The following DMPK variants were observed in gnomAD, a reference collection of about 807,000 sequenced individuals.
DMPK encodes DM1 protein kinase, also known as myotonin-protein kinase.
In DMPK, 32 loss-of-function variants were observed where a neutral mutation model predicts 70.3. That is an observed-to-expected ratio of 0.46 (90% CI 0.34 to 0.61). The LOEUF (loss-of-function observed/expected upper bound fraction) is 0.61. DMPK is among the 20% of genes least tolerant of loss of function. DMPK has a pLI of 0.01. For synonymous variants in DMPK, 469 were observed against 390.9 expected (o/e 1.20, Z -2.36); for missense variants, 899 against 886.0 (o/e 1.01, Z -0.19).
chr19:45,778,470 C>T (rs1568583223), intron 5 of DMPK, 23 bp downstream of exon 5: 2 of 1,609,604 alleles, frequency 1.2e-6, no homozygotes, highest in East Asian at 2.2e-5. Context: ...AGCTTGCTAT[C>T]CCCTCGGCCA....
chr19:45,777,918 G>A lies in DMPK; in HGVS notation c.676-45C>T. The stretch of plus-strand genomic sequence containing the variant: ...GCGAGGCTTGGGCCCACCCCTCTGG[G>A]CCCACCAGCTCTGGGCCCTCCTTCC... On this transcript the variant is annotated intron_variant, in intron 6 of 14. Coordinates refer to ENST00000291270, the MANE Select transcript of DMPK (RefSeq NM_004409.5). The surrounding 1 kb of genome is among the most constrained non-coding windows in gnomAD (Gnocchi z 6.7). 6.4e-7 allele frequency: 1 copy of A among 1,552,666 alleles called. No individual in the cohort carries two copies. Among genetic ancestry groups the A allele is most frequent in the South Asian group, 1.2e-5 (1 of 85,232 alleles).
At position 45,770,386 on chromosome 19, in the gene DMPK, C is replaced by A; in HGVS notation, c.*102G>T. 7.0e-7 allele frequency: 1 copy of A among 1,420,470 alleles called. No individual in the cohort carries two copies. The highest frequency in any genetic ancestry group is 1.2e-5 in the South Asian group (1 of 80,980). 88.0% of individuals were successfully genotyped at this position (1,420,470 alleles called of 1,614,324 possible). On this transcript the variant is annotated 3_prime_UTR_variant, in exon 15 of 15. Transcript: ENST00000291270. Reference sequence around the variant, plus strand: ...CTGGAGCTGGGCGGAGACCCACGCTCGGAGCGGTTGTGAACTGGCAGGCGG... The same window carrying A: ...CTGGAGCTGGGCGGAGACCCACGCTAGGAGCGGTTGTGAACTGGCAGGCGG...
In DMPK at chr19:45,777,710, G is replaced by A. The variant is rs764146518; in HGVS notation, c.839C>T (p.Ala280Val). 1.7e-5 allele frequency: 27 copies of A among 1,613,890 alleles called. No individual in the cohort carries two copies. The highest frequency in any genetic ancestry group is 1.6e-4 in the Middle Eastern group (1 of 6,084). The stretch of plus-strand genomic sequence containing the variant: ...GCCATAGGTCTCCGCCGTGGAATCC[G>A]CGTAGAAGGGCGTCTGCCCATAGAA... ...EMFYGQTPFY[A>V]DSTAETYGKI... Residue 280 changes from alanine (A) to valine (V), a missense_variant, in exon 7 of 15, where the codon GCG (alanine) becomes GTG (valine). By Grantham distance (64) the Ala-to-Val change is moderately conservative. Transcript: ENST00000291270. The surrounding 1 kb of genome is among the most constrained non-coding windows in gnomAD (Gnocchi z 6.7).
At chr19:45,774,639 A>G (rs940811421) in intron 9 of DMPK, among the ~76,000 whole-genome samples, 5 of 152,166 alleles carry the variant, frequency 3.3e-5, no homozygotes, top group Admixed American at 3.3e-4. Flanking sequence ...CTGATTGTAA[A>G]AGTCTAAACT....
intron 2 of DMPK, 111 bp downstream of exon 2, chr19:45,779,667 C>T: frequency 6.4e-7 from 1 of 1,551,126 alleles, no homozygotes; most frequent in South Asian, 1.2e-5. Flanking sequence ...CCGCCTCCAG[C>T]CCAGCCCTAG....
Position 45,782,382 on chromosome 19 carries a change from C to T in DMPK, c.-30G>A, listed in dbSNP as rs759107509. 1.2e-5 allele frequency: 18 copies of T among 1,526,750 alleles called. No homozygotes were observed. Among genetic ancestry groups the T allele is most frequent in the African/African-American group, 1.4e-5 (1 of 72,158 alleles). 94.6% of individuals were successfully genotyped at this position (1,526,750 alleles called of 1,614,324 possible). A position where few individuals can be genotyped will look rare whatever the true frequency, so the allele number is the denominator to read the frequency against. On this transcript the variant is annotated 5_prime_UTR_variant, in exon 1 of 15. Coordinates refer to ENST00000291270, the MANE Select transcript of DMPK (RefSeq NM_004409.5). ...GACAGGCAGCACCATGGCCCCTCCC[C>T]GGGCCGGGGGCTCGGGGTCCTCCTG...
chr19:45,782,120 G>A lies in DMPK; in HGVS notation c.160+73C>T. ...TGCCATCCTGCCCCCCCAACAGCCA[G>A]GCCTCTGTGCCCAGACCTGTCTCCT... On this transcript the variant is annotated intron_variant, in intron 1 of 14. Transcript: ENST00000291270. 4 of 356,990 alleles carry A rather than the reference G, an allele frequency of 1.1e-5. No homozygotes were observed. The South Asian group carries it at 1.4e-4, about 13-fold the overall frequency. 22.1% of individuals were successfully genotyped at this position (356,990 alleles called of 1,614,324 possible). A position where few individuals can be genotyped will look rare whatever the true frequency, so the allele number is the denominator to read the frequency against.
At position 45,770,589 on chromosome 19, in the gene DMPK, C is replaced by G; in HGVS notation, c.1789G>C (p.Val597Leu). 3 of 1,552,556 alleles carry G rather than the reference C, an allele frequency of 1.9e-6. No homozygotes were observed. The highest frequency in any genetic ancestry group is 2.6e-6 in the Non-Finnish European group (3 of 1,148,012). ...CCCAGGGCGGCGGCACGAGACAGAACAACGGCGAACAGGAGCAGGGAAAGC... is the reference window on the plus strand; with the variant it reads ...CCCAGGGCGGCGGCACGAGACAGAAGAACGGCGAACAGGAGCAGGGAAAGC... ...EALSLLLFAV[V>L]LSRAAALGCI... The change falls in exon 15 of 15, where the codon GTT becomes CTT. Residue 597 changes from valine (V) to leucine (L), a missense_variant. Physicochemically the swap from Val to Leu is conservative, Grantham distance 32. Around this residue, in one of 3 missense-constraint regions of DMPK, gnomAD observed 555 missense variants for 483.8 expected, o/e 1.15. Transcript: ENST00000291270.
At position 45,770,489 on chromosome 19, in the gene DMPK, C is replaced by T; in HGVS notation, c.1889G>A (p.Ter630=). 1 of 1,550,246 alleles carries T rather than the reference C, an allele frequency of 6.5e-7. No homozygotes were observed. ...WRRPGAARAP[*] The stretch of plus-strand genomic sequence containing the variant: ...CGGAGTCGAAGACAGTTCTAGGGTT[C>T]AGGGAGCGCGGGCGGCTCCTGGGCG... Residue 630 remains the stop codon, a stop_retained_variant, in exon 15 of 15, where the codon TGA becomes TAA. Transcript: ENST00000291270.
intron 9 of DMPK, 83 bp downstream of exon 9, chr19:45,774,866 A>G: frequency 9.2e-7 from 1 of 1,089,324 alleles, no homozygotes; most frequent in Non-Finnish European, 1.4e-6. Flanking sequence ...CTGATCCTGC[A>G]ACTCCATTGG....
Position 45,777,204 on chromosome 19 carries a change from A to G in DMPK, c.1146+123T>C. On this transcript the variant is annotated intron_variant, in intron 8 of 14. Coordinates refer to ENST00000291270, the MANE Select transcript of DMPK (RefSeq NM_004409.5). This position sits in a 1 kb window ranked among gnomAD's most constrained non-coding sequence, Gnocchi z 6.7. Reference sequence around the variant, plus strand: ...TGGGTCCTCAGTAGTAGATGGGCACAGAGCAGGTGCTCTGGGGAATGAGTG... The same window carrying G: ...TGGGTCCTCAGTAGTAGATGGGCACGGAGCAGGTGCTCTGGGGAATGAGTG... The G allele has an allele frequency of 7.4e-7, 1 of 1,355,196 alleles. No homozygotes were observed. The highest frequency in any genetic ancestry group is 9.8e-7 in the Non-Finnish European group (1 of 1,024,876). The allele number at this position is 1,355,196 out of a possible 1,614,324, so 83.9% of individuals were successfully genotyped here.
chr19:45,770,070 G>T lies in DMPK; in HGVS notation c.*418C>A. Reference sequence around the variant, plus strand: ...TGCACAAGAAAGCTTTGCACTTTGCGAACCAACGATAGGTGGGGGTGCGTG... The same window carrying T: ...TGCACAAGAAAGCTTTGCACTTTGCTAACCAACGATAGGTGGGGGTGCGTG... On this transcript the variant is annotated 3_prime_UTR_variant, in exon 15 of 15. Transcript: ENST00000291270. The T allele has an allele frequency of 1.0e-5, 5 of 496,554 alleles. No homozygotes were observed. The highest frequency in any genetic ancestry group is 1.9e-5 in the South Asian group (1 of 52,000). The allele number at this position is 496,554 out of a possible 1,614,324, so 30.8% of individuals were successfully genotyped here. A position where few individuals can be genotyped will look rare whatever the true frequency, so the allele number is the denominator to read the frequency against.
At position 45,772,752 on chromosome 19, in the gene DMPK, C is replaced by CA; in HGVS notation, c.1233-1_1233insT (p.Arg411SerfsTer4). 6.8e-7 allele frequency: 1 copy of CA among 1,474,174 alleles called. No homozygotes were observed. Among genetic ancestry groups the CA allele is most frequent in the Non-Finnish European group, 9.0e-7 (1 of 1,116,160 alleles). The allele number at this position is 1,474,174 out of a possible 1,614,324, so 91.3% of individuals were successfully genotyped here. ...GTGTGGGGCCTGGGACCTCACTGTC[C>CA]CTGGGGAGAGGAGGAGGGAGTGGGG... On this transcript the variant is annotated frameshift_variant and splice_region_variant. Transcript: ENST00000291270. LOFTEE classifies it high-confidence loss of function.
rs1969277263 is a variant in DMPK, at chr19:45,770,205, CAGCAGCAGCAGCAGCAGCAGCAGCAGCAG to C, written c.*254_*282del. 1 of 60,340 alleles carries C rather than the reference CAGCAGCAGCAGCAGCAGCAGCAGCAGCAG, an allele frequency of 1.7e-5. No homozygotes were observed. The highest frequency in any genetic ancestry group is 3.0e-3 in the African/African-American group (1 of 328). 3.7% of individuals were successfully genotyped at this position (60,340 alleles called of 1,614,324 possible). A position where few individuals can be genotyped will look rare whatever the true frequency, so the allele number is the denominator to read the frequency against. On this transcript the variant is annotated 3_prime_UTR_variant, in exon 15 of 15. Transcript: ENST00000291270. Reference sequence around the variant, plus strand: ...AGAAAGAAATGGTCTGTGATCCCCCCAGCAGCAGCAGCAGCAGCAGCAGCAGCAGCAGCAGCAGCAGCAGCAGCAGCAGC... The same window carrying C: ...AGAAAGAAATGGTCTGTGATCCCCCCCAGCAGCAGCAGCAGCAGCAGCAGC...
rs747480403 is a variant in DMPK at position 45,782,151 on chromosome 19, AC to A, written c.160+41del. 2.6e-4 allele frequency: 76 copies of A among 287,406 alleles called. 2 individuals are homozygous for A. In the East Asian group the frequency reaches 3.5e-3, roughly 13 times the overall value. The allele number at this position is 287,406 out of a possible 1,614,324, so 17.8% of individuals were successfully genotyped here. ...TGTGCCCAGACCTGTCTCCTGCCCC[AC>A]CCCCACCCCATCTGCAGGAGCCCCG... On this transcript the variant is annotated intron_variant, in intron 1 of 14. Transcript: ENST00000291270.
Position 45,782,337 on chromosome 19 carries a change from G to T in DMPK, c.16C>A (p.Arg6=), listed in dbSNP as rs373602912. 2 of 1,576,924 alleles carry T rather than the reference G, an allele frequency of 1.3e-6. No individual in the cohort carries two copies. Among genetic ancestry groups the T allele is most frequent in the Admixed American group, 3.6e-5 (2 of 54,890 alleles). The part of the protein sequence containing the change: MSAEV[R]LRRLQQLVLD... ...ACCAGCTGCTGGAGCCGCCTCAGCCGCACCTCGGCTGACATGTTGGACAGG... is the reference window on the plus strand; with the variant it reads ...ACCAGCTGCTGGAGCCGCCTCAGCCTCACCTCGGCTGACATGTTGGACAGG... Residue 6 remains arginine, a synonymous_variant, in exon 1 of 15, where the codon CGG becomes AGG. Coordinates refer to ENST00000291270, the MANE Select transcript of DMPK (RefSeq NM_004409.5).
Position 45,782,398 on chromosome 19 carries a change from G to T in DMPK, c.-46C>A. 1.3e-6 allele frequency: 2 copies of T among 1,499,972 alleles called. No homozygotes were observed. The highest frequency in any genetic ancestry group is 1.8e-6 in the Non-Finnish European group (2 of 1,124,882). 92.9% of individuals were successfully genotyped at this position (1,499,972 alleles called of 1,614,324 possible). On this transcript the variant is annotated 5_prime_UTR_variant, in exon 1 of 15. Transcript: ENST00000291270. ...GCCCCTCCCCGGGCCGGGGGCTCGG[G>T]GTCCTCCTGTCACAGGGCCTGGCAG...
In DMPK at chr19:45,770,546, G is replaced by T; in HGVS notation, c.1832C>A (p.Ala611Asp). The T allele has an allele frequency of 6.4e-7, 1 of 1,550,898 alleles. No homozygotes were observed. The highest frequency in any genetic ancestry group is 8.7e-7 in the Non-Finnish European group (1 of 1,146,952). Residue 611 changes from alanine (A) to aspartate (D), a missense_variant, in exon 15 of 15, where the codon GCC becomes GAC. This residue lies in a region of DMPK where 555 missense variants were observed against 483.8 expected (regional missense o/e 1.15). Coordinates refer to ENST00000291270, the MANE Select transcript of DMPK (RefSeq NM_004409.5). Reference protein sequence around the residue: ...AAALGCIGLVAHAGQLTAVWR... With the variant: ...AAALGCIGLVDHAGQLTAVWR... ...GACTGCGGTGAGTTGGCCGGCGTGG[G>T]CCACCAACCCAATGCAGCCCAGGGC...
At chr19:45,778,061 C>T in intron 6 of DMPK, 66 bp downstream of exon 6, 3 of 1,416,462 alleles carry the variant, frequency 2.1e-6, no homozygotes, top group Non-Finnish European at 2.9e-6. Context: ...GTCCCGCTCC[C>T]ACACTCTGTG....
Sources: allele counts gnomAD v4.1 joint callset (sites outside exome capture counted in the v4.1 genomes callset), GRCh38; gene constraint gnomAD v4.1.1; regional missense constraint gnomAD v4.1.1; non-coding constraint Gnocchi (gnomAD v3.1); transcripts MANE v1.5; gene names NCBI Gene and HGNC (gene_info 2026-07-23, HGNC 2026-07-21).